The following UVRAG variants were observed in gnomAD, a reference collection of about 807,000 sequenced individuals.
UVRAG encodes the protein UV radiation resistance-associated gene protein.
UVRAG carries 19 observed loss-of-function variants against 78.0 expected under a neutral mutation model. The observed-to-expected ratio is 0.24, with a 90% CI of 0.17 to 0.36. The LOEUF (loss-of-function observed/expected upper bound fraction) is 0.36, where lower values mean the gene tolerates loss of function less well. Ranked by LOEUF, UVRAG falls within the 10% of genes least tolerant of loss-of-function variation. UVRAG has a pLI of 1.00. For synonymous variants in UVRAG, 323 were observed against 324.6 expected, an observed-to-expected ratio of 1.00 and a Z score of 0.05; for missense variants, 740 against 853.8, an observed-to-expected ratio of 0.87 and a Z score of 1.66.
chr11:76,006,685 AAGAG>A (rs1220369241), intron 9 of UVRAG, among the ~76,000 whole-genome samples: 47 of 149,370 alleles, frequency 3.1e-4, no homozygotes, highest in African/African-American at 1.1e-3. Context: ...AAAAAAAAAA[AAGAG>A]AGAGAGAAGG....
chr11:75,974,356 T>C (rs1396032864), intron 7 of UVRAG, among the ~76,000 whole-genome samples: 9 of 133,064 alleles, frequency 6.8e-5, no homozygotes, highest in East Asian at 2.1e-4. Context: ...GTCTTCTTTT[T>C]TTTTTTTTTT....
intron 1 of UVRAG, 51 bp from the exon 2 acceptor site, chr11:75,851,832 T>G: frequency 6.8e-7 from 1 of 1,464,556 alleles, no homozygotes; most frequent in Non-Finnish European, 9.4e-7. Flanking sequence ...CCAGAAAATT[T>G]TATAGGAGGA....
At chr11:75,837,669 T>C (rs999126245) in intron 1 of UVRAG, 1 of 152,142 alleles carries the variant, frequency 6.6e-6, no homozygotes, top group Non-Finnish European at 1.5e-5. Flanking sequence ...TTTTTCTGAA[T>C]ATTTTCTATC....
chr11:76,143,673 G>A lies in UVRAG; in HGVS notation c.*2260G>A, dbSNP rs1952761058. ...GTTTGATGTCTGCAGTTTCTGCCAT[G>A]ACCTGGGTAGAACCTATGGGATTAC... On this transcript the variant is annotated 3_prime_UTR_variant, in exon 15 of 15. Coordinates refer to ENST00000356136, the MANE Select transcript of UVRAG (RefSeq NM_003369.4). Among the ~76,000 whole-genome samples, 1 of 152,208 alleles carries A rather than the reference G, an allele frequency of 6.6e-6. No individual in the cohort carries two copies. The highest frequency in any genetic ancestry group is 2.1e-4 in the South Asian group (1 of 4,836).
intron 6 of UVRAG, among the ~76,000 whole-genome samples, chr11:75,951,530 G>C (rs373761373): frequency 3.3e-5 from 5 of 152,090 alleles, no homozygotes; most frequent in African/African-American, 1.2e-4. Context: ...TTACAGGCAT[G>C]TGCCATCACG....
At chr11:75,987,424 T>C (rs906685960) in intron 8 of UVRAG, among the ~76,000 whole-genome samples, 1 of 152,186 alleles carries the variant, frequency 6.6e-6, no homozygotes, top group Non-Finnish European at 1.5e-5. Context: ...CTAATAATTG[T>C]TAGATTGTTT....
At chr11:75,997,424 T>A (rs1949728670) in intron 8 of UVRAG, among the ~76,000 whole-genome samples, 1 of 152,244 alleles carries the variant, frequency 6.6e-6, no homozygotes, top group Non-Finnish European at 1.5e-5. Flanking sequence ...TTATATTGCC[T>A]GACTTGTGTT....
intron 3 of UVRAG, among the ~76,000 whole-genome samples, chr11:75,873,337 GT>G (rs113715203): frequency 6.6e-4 from 97 of 146,494 alleles, no homozygotes; most frequent in African/African-American, 1.7e-3. Context: ...GCCAGGAATA[GT>G]TTTTTTTTTT....
intron 5 of UVRAG, among the ~76,000 whole-genome samples, chr11:75,902,710 C>T (rs1057322213): frequency 5.9e-5 from 9 of 152,000 alleles, no homozygotes; most frequent in African/African-American, 2.2e-4. Flanking sequence ...ATTCAGTCAG[C>T]CACTAGACTC....
At chr11:76,019,597 G>A (rs1223554434) in intron 12 of UVRAG, among the ~76,000 whole-genome samples, 1 of 152,220 alleles carries the variant, frequency 6.6e-6, no homozygotes, top group African/African-American at 2.4e-5. Context: ...TCTTGTAGAG[G>A]TACCACTTGG....
At chr11:76,047,599 A>C (rs116706621) in intron 12 of UVRAG, among the ~76,000 whole-genome samples, 49 of 152,306 alleles carry the variant, frequency 3.2e-4, no homozygotes, top group Non-Finnish European at 5.1e-4. Flanking sequence ...CCAGATGTAG[A>C]TTCCCGAATA....
At chr11:76,004,508 T>G (rs1000563080) in intron 9 of UVRAG, among the ~76,000 whole-genome samples, 7 of 152,184 alleles carry the variant, frequency 4.6e-5, no homozygotes, top group Non-Finnish European at 8.8e-5. Context: ...TCTCTTCATC[T>G]TTCCAGATTG....
chr11:75,997,694 T>C (rs1949734050), intron 8 of UVRAG, among the ~76,000 whole-genome samples: 1 of 152,218 alleles, frequency 6.6e-6, no homozygotes, highest in Admixed American at 6.5e-5. Context: ...AGGACTGTTT[T>C]GATGAATAAA....
intron 13 of UVRAG, among the ~76,000 whole-genome samples, chr11:76,101,441 A>C (rs974110628): frequency 1.3e-5 from 2 of 151,840 alleles, no homozygotes; most frequent in African/African-American, 4.8e-5. Flanking sequence ...GCTCTCTTTT[A>C]ATGGGGTCGT....
chr11:75,849,226 G>A (rs761139402), intron 1 of UVRAG, among the ~76,000 whole-genome samples: 1 of 150,442 alleles, frequency 6.6e-6, no homozygotes, highest in Non-Finnish European at 1.5e-5. Context: ...AATGATGGAC[G>A]GGCGGGTGGT....
chr11:76,092,467 A>G (rs1018740087), intron 13 of UVRAG, among the ~76,000 whole-genome samples: 103 of 152,224 alleles, frequency 6.8e-4, no homozygotes, highest in Non-Finnish European at 1.1e-3. Context: ...GTGTAAAAGC[A>G]TTCCTATTTC....
chr11:75,987,670 A>C (rs1949527312), intron 8 of UVRAG, among the ~76,000 whole-genome samples: 1 of 151,486 alleles, frequency 6.6e-6, no homozygotes, highest in Non-Finnish European at 1.5e-5. Flanking sequence ...TACTATAAGC[A>C]TTTTTGTAGT....
At chr11:75,976,696 G>C (rs1230584645) in intron 7 of UVRAG, among the ~76,000 whole-genome samples, 1 of 152,120 alleles carries the variant, frequency 6.6e-6, no homozygotes, top group Non-Finnish European at 1.5e-5. Context: ...TTGTATCTCT[G>C]TGGGATCGGT....
At chr11:75,957,517 C>G (rs1948824687) in intron 6 of UVRAG, among the ~76,000 whole-genome samples, 1 of 151,288 alleles carries the variant, frequency 6.6e-6, no homozygotes, top group Non-Finnish European at 1.5e-5. Flanking sequence ...TTTGTCCCTT[C>G]TAGATTCTTT....
Sources: gnomAD v4.1 joint callset for allele counts (sites outside exome capture counted in the v4.1 genomes callset) on GRCh38, gnomAD v4.1.1 for gene constraint, MANE v1.5 for transcripts, NCBI Gene and HGNC (gene_info 2026-07-23, HGNC 2026-07-21) for gene names.